The following CSMD1 variants were observed in gnomAD, a reference collection of about 807,000 sequenced individuals.
CSMD1 encodes CUB and Sushi multiple domains 1.
CSMD1 carries 213 observed loss-of-function variants against 417.5 expected under a neutral mutation model. The ratio of observed to expected loss-of-function variants is 0.51; its 90% CI spans 0.46 to 0.57. CSMD1 has a LOEUF of 0.57. CSMD1 is among the 20% of genes least tolerant of loss of function. The pLI is 0.00. For missense variants in CSMD1, 6,923 were observed against 4,529.7 expected, an observed-to-expected ratio of 1.53 and a Z score of -15.17; for synonymous variants, 2,862 against 1,736.8, an observed-to-expected ratio of 1.65 and a Z score of -16.11.
At chr8:4,363,837 G>A (rs1801915521) in intron 3 of CSMD1, among the ~76,000 whole-genome samples, 1 of 152,084 alleles carries the variant, frequency 6.6e-6, no homozygotes, top group African/African-American at 2.4e-5. Context: ...TTATTTGTGG[G>A]ATCTGAAAAT....
chr8:3,664,708 T>A (rs1331667072), intron 7 of CSMD1, among the ~76,000 whole-genome samples: 4 of 152,210 alleles, frequency 2.6e-5, no homozygotes, highest in African/African-American at 9.6e-5. Flanking sequence ...CATCATCTTA[T>A]CGGGATGTTG....
At chr8:3,375,857 A>T (rs1810272520) in intron 18 of CSMD1, among the ~76,000 whole-genome samples, 1 of 152,162 alleles carries the variant, frequency 6.6e-6, no homozygotes, top group African/African-American at 2.4e-5. Flanking sequence ...TCAATCCTCC[A>T]GACCTCTTTT....
At chr8:3,556,386 A>AT (rs1157062416) in intron 10 of CSMD1, among the ~76,000 whole-genome samples, 1 of 54,818 alleles carries the variant, frequency 1.8e-5, no homozygotes, top group African/African-American at 7.5e-5. Flanking sequence ...AAAATTTATA[A>AT]TAATTAATAT....
At chr8:4,778,491 C>A (rs1796986421) in intron 1 of CSMD1, among the ~76,000 whole-genome samples, 1 of 152,164 alleles carries the variant, frequency 6.6e-6, no homozygotes, top group African/African-American at 2.4e-5. Context: ...GCACAAAAAG[C>A]ACTTTGCACT....
At chr8:4,778,168 A>C (rs17071298) in intron 1 of CSMD1, among the ~76,000 whole-genome samples, 1 of 152,004 alleles carries the variant, frequency 6.6e-6, no homozygotes, top group East Asian at 1.9e-4. Flanking sequence ...TAAAACAAAT[A>C]TGTCATAAAA....
intron 10 of CSMD1, among the ~76,000 whole-genome samples, chr8:3,546,637 T>C (rs61286085): frequency 0.016 from 2,348 of 151,008 alleles, 71 homozygotes; most frequent in African/African-American, 0.055. Flanking sequence ...TGATTAACAT[T>C]ATAAAACAAA....
intron 23 of CSMD1, among the ~76,000 whole-genome samples, chr8:3,312,545 A>C (rs1486634247): frequency 6.6e-6 from 1 of 152,214 alleles, no homozygotes; most frequent in Non-Finnish European, 1.5e-5. Flanking sequence ...TTGTTCTCTC[A>C]AAGCTCCTCG....
chr8:3,723,921 C>A (rs1802335391), intron 6 of CSMD1, among the ~76,000 whole-genome samples: 1 of 152,072 alleles, frequency 6.6e-6, no homozygotes, highest in Non-Finnish European at 1.5e-5. Flanking sequence ...ATGCAGATTC[C>A]ATTTTGTAGC....
At chr8:3,571,727 T>C (rs1008833161) in intron 10 of CSMD1, among the ~76,000 whole-genome samples, 8 of 151,852 alleles carry the variant, frequency 5.3e-5, no homozygotes, top group African/African-American at 1.5e-4. Flanking sequence ...GTCCCTGTGC[T>C]GGAAGGTCTC....
At chr8:3,647,508 C>G (rs531830067) in intron 7 of CSMD1, among the ~76,000 whole-genome samples, 83 of 152,026 alleles carry the variant, frequency 5.5e-4, no homozygotes, top group African/African-American at 1.9e-3. Flanking sequence ...AGAAGTATAT[C>G]AGAGAAATAT....
In CSMD1 at chr8:3,632,537, C is replaced by T. The variant is rs145553766; in HGVS notation, c.1010-15740G>A. On this transcript the variant is annotated intron_variant, in intron 7 of 69. Coordinates refer to ENST00000635120, the MANE Select transcript of CSMD1 (RefSeq NM_033225.6). Reference sequence around the variant, plus strand: ...CGTTGAAGATGAGTATTGGTTAGAACAAGTGGGATGTCTGGCTTCTTTTTT... The same window carrying T: ...CGTTGAAGATGAGTATTGGTTAGAATAAGTGGGATGTCTGGCTTCTTTTTT... Among the ~76,000 whole-genome samples, 454 of 152,196 alleles carry T rather than the reference C, an allele frequency of 3.0e-3. 1 individual carries two copies. Among genetic ancestry groups the T allele is most frequent in the African/African-American group, 0.01 (423 of 41,532 alleles).
intron 1 of CSMD1, among the ~76,000 whole-genome samples, chr8:4,659,651 G>T (rs993721642): frequency 6.6e-6 from 1 of 152,116 alleles, no homozygotes; most frequent in Non-Finnish European, 1.5e-5. Context: ...AAGGCGACAG[G>T]GGAGTGACTG....
At chr8:4,580,159 T>C (rs1585280201) in intron 2 of CSMD1, among the ~76,000 whole-genome samples, 1 of 152,220 alleles carries the variant, frequency 6.6e-6, no homozygotes, top group Non-Finnish European at 1.5e-5. Context: ...TACCAGGCAC[T>C]GCTTTCAACT....
intron 2 of CSMD1, among the ~76,000 whole-genome samples, chr8:4,498,944 G>T (rs888148354): frequency 6.6e-6 from 1 of 151,904 alleles, no homozygotes; most frequent in Non-Finnish European, 1.5e-5. Flanking sequence ...CATGGCCAGT[G>T]GTTCTATACA....
intron 2 of CSMD1, among the ~76,000 whole-genome samples, chr8:4,421,660 T>C (rs1258190924): frequency 6.6e-6 from 1 of 151,778 alleles, no homozygotes; most frequent in Non-Finnish European, 1.5e-5. Context: ...ATACAACATA[T>C]TAAACTTTGT....
At position 4,374,965 on chromosome 8, in the gene CSMD1, G is replaced by GA. The variant is rs1554450670; in HGVS notation, c.415+44987_415+44988insT. On this transcript the variant is annotated intron_variant, in intron 3 of 69. Coordinates refer to ENST00000635120, the MANE Select transcript of CSMD1 (RefSeq NM_033225.6). ...ATTAAACAGACAAAGGTGGGGTGGG[G>GA]GGGGGGGGCGATAGTGGGGGTACGG... 5.6e-5 allele frequency among the ~76,000 whole-genome samples: 4 copies of GA among 71,950 alleles called. 1 individual carries two copies. Among genetic ancestry groups the GA allele is most frequent in the Non-Finnish European group, 2.5e-5 (1 of 39,744 alleles). The allele number at this position is 71,950 out of a possible 152,430, so 47.2% of individuals were successfully genotyped here.
rs186711740 is a variant in CSMD1 at position 4,143,511 on chromosome 8, A to G, written c.416-111412T>C. Among the ~76,000 whole-genome samples, 110 of 150,978 alleles carry G rather than the reference A, an allele frequency of 7.3e-4. 12 individuals carry two copies. The highest frequency in any genetic ancestry group is 2.4e-3 in the African/African-American group (95 of 40,332). ...GTTAAAGCTGGTTAAACTAAAGAAG[A>G]AGTTGATATTAAGTTTATATCAAAT... On this transcript the variant is annotated intron_variant, in intron 3 of 69. Coordinates refer to ENST00000635120, the MANE Select transcript of CSMD1 (RefSeq NM_033225.6).
At chr8:4,220,352 A>C (rs1324743377) in intron 3 of CSMD1, among the ~76,000 whole-genome samples, 2 of 152,188 alleles carry the variant, frequency 1.3e-5, no homozygotes, top group African/African-American at 4.8e-5. Context: ...CAACAGCAGG[A>C]AAGAGGACCA....
chr8:4,106,793 G>T (rs1013427639), intron 3 of CSMD1, among the ~76,000 whole-genome samples: 1 of 152,058 alleles, frequency 6.6e-6, no homozygotes, highest in Non-Finnish European at 1.5e-5. Flanking sequence ...TGACGGCGAT[G>T]GTCTGGGAGA....
Sources: allele counts gnomAD v4.1 joint callset (sites outside exome capture counted in the v4.1 genomes callset), GRCh38; gene constraint gnomAD v4.1.1; transcripts MANE v1.5; gene names NCBI Gene and HGNC (gene_info 2026-07-23, HGNC 2026-07-21).